UBE2G2: variants seen among roughly 807,000 people sequenced by gnomAD.
UBE2G2 encodes ubiquitin conjugating enzyme E2 G2.
Under a neutral mutation model 23.0 loss-of-function variants are expected in UBE2G2, and 10 were observed. That is an observed-to-expected ratio of 0.43 (90% CI 0.27 to 0.74). UBE2G2 has a LOEUF of 0.74. Among genes scored for constraint, UBE2G2 ranks in the 30% least tolerant of loss-of-function variants. The pLI is 0.19. For missense variants in UBE2G2, 150 were observed against 218.3 expected (o/e 0.69, Z 1.97); for synonymous variants, 86 against 81.3 (o/e 1.06, Z -0.31).
intron 1 of UBE2G2, among the ~76,000 whole-genome samples, chr21:44,799,231 A>T (rs2083116653): frequency 6.6e-6 from 1 of 152,222 alleles, no homozygotes; most frequent in Non-Finnish European, 1.5e-5. Context: ...CTGAATGATA[A>T]ATGAGAACTG....
intron 3 of UBE2G2, 147 bp downstream of exon 3, chr21:44,787,773 C>G (rs1240683136): frequency 1.2e-6 from 1 of 816,556 alleles, no homozygotes; most frequent in Admixed American, 3.1e-5. Context: ...GCTTTCAGAC[C>G]AGCAGCCTAG....
intron 1 of UBE2G2, among the ~76,000 whole-genome samples, chr21:44,796,425 T>C (rs1414901965): frequency 6.6e-6 from 1 of 152,186 alleles, no homozygotes; most frequent in Admixed American, 6.5e-5. Flanking sequence ...ACCCCTTCTA[T>C]GTAGAGATTG....
chr21:44,790,601 G>C (rs782389636), intron 1 of UBE2G2, among the ~76,000 whole-genome samples: 1 of 152,152 alleles, frequency 6.6e-6, no homozygotes, highest in Non-Finnish European at 1.5e-5. Flanking sequence ...ATAAGTGTTC[G>C]AAAGTTCCTC....
chr21:44,779,131 CT>C, intron 3 of UBE2G2: 1 of 347,384 alleles, frequency 2.9e-6, no homozygotes, highest in Admixed American at 4.2e-5. Flanking sequence ...GAACGAAGAG[CT>C]TTAGCTTTCA....
rs1432658695 is a variant in UBE2G2, at chr21:44,768,731, CG to C, written c.*2645del. The stretch of plus-strand genomic sequence containing the variant: ...AGCAACTGCAGGAGGGAAGCGCAGT[CG>C]GAACAGCCTGCTGGCTTCTAGTGGT... On this transcript the variant is annotated 3_prime_UTR_variant, in exon 6 of 6. Transcript: ENST00000345496. 5 of 152,230 alleles carry C rather than the reference CG, an allele frequency of 3.3e-5. No individual in the cohort carries two copies. Among genetic ancestry groups the C allele is most frequent in the African/African-American group, 1.2e-4 (5 of 41,458 alleles). 9.4% of individuals were successfully genotyped at this position (152,230 alleles called of 1,614,324 possible).
chr21:44,770,116 AT>A lies in UBE2G2; in HGVS notation c.*1260del, dbSNP rs1169844248. On this transcript the variant is annotated 3_prime_UTR_variant, in exon 6 of 6. Coordinates refer to ENST00000345496, the MANE Select transcript of UBE2G2 (RefSeq NM_003343.6). ...CTCCACAGCCCAGTCAAGTGTGGGGATAAGGCACTCCTCTGTGCTCTGAGCT... is the reference window on the plus strand; with the variant it reads ...CTCCACAGCCCAGTCAAGTGTGGGGAAAGGCACTCCTCTGTGCTCTGAGCT... The A allele has an allele frequency of 6.6e-6, 1 of 152,240 alleles. No individual in the cohort carries two copies. The highest frequency in any genetic ancestry group is 2.4e-5 in the African/African-American group (1 of 41,460). The allele number at this position is 152,240 out of a possible 1,614,324, so 9.4% of individuals were successfully genotyped here. A position where few individuals can be genotyped will look rare whatever the true frequency, so the allele number is the denominator to read the frequency against.
intron 3 of UBE2G2, among the ~76,000 whole-genome samples, chr21:44,780,203 C>T (rs886068573): frequency 1.3e-5 from 2 of 152,222 alleles, no homozygotes; most frequent in Non-Finnish European, 2.9e-5. Flanking sequence ...CGGTTTACTA[C>T]TGGTTTGAAA....
At position 44,771,602 on chromosome 21, in the gene UBE2G2, A is replaced by G. The variant is rs1316217304; in HGVS notation, c.386-113T>C. 8.9e-7 allele frequency: 1 copy of G among 1,125,182 alleles called. No individual in the cohort carries two copies. The highest frequency in any genetic ancestry group is 1.5e-5 in the African/African-American group (1 of 65,204). The allele number at this position is 1,125,182 out of a possible 1,614,324, so 69.7% of individuals were successfully genotyped here. On this transcript the variant is annotated intron_variant, in intron 5 of 5. Coordinates refer to ENST00000345496, the MANE Select transcript of UBE2G2 (RefSeq NM_003343.6). The surrounding 1 kb of genome is among the most constrained non-coding windows in gnomAD (Gnocchi z 4.6). ...CGGGGGCTTTCAAGAGCTGTGTCCC[A>G]GAAACAAAGAACCTGAGAACTGCAT... is the stretch of plus-strand genomic sequence containing the variant.
At chr21:44,799,190 T>G (rs1466903779) in intron 1 of UBE2G2, among the ~76,000 whole-genome samples, 1 of 152,184 alleles carries the variant, frequency 6.6e-6, no homozygotes, top group Non-Finnish European at 1.5e-5. Flanking sequence ...CAGAGTAGAT[T>G]TAGCATAATT....
intron 4 of UBE2G2, chr21:44,774,738 C>G: frequency 2.2e-6 from 1 of 455,956 alleles, no homozygotes; most frequent in South Asian, 1.6e-5. Context: ...ATCAGGCTGT[C>G]CACCTAAGAT....
intron 1 of UBE2G2, among the ~76,000 whole-genome samples, chr21:44,797,407 A>C (rs1291771778): frequency 6.6e-6 from 1 of 152,214 alleles, no homozygotes. Context: ...CAGGGGTTTA[A>C]TGATTTTCTT....
chr21:44,796,209 T>C (rs1351975576), intron 1 of UBE2G2, among the ~76,000 whole-genome samples: 6 of 152,234 alleles, frequency 3.9e-5, no homozygotes, highest in Non-Finnish European at 7.3e-5. Context: ...TTTACAACAA[T>C]TGAGTTCTTT....
At chr21:44,789,590 G>C (rs1555962676) in intron 1 of UBE2G2, among the ~76,000 whole-genome samples, 3 of 151,904 alleles carry the variant, frequency 2.0e-5, no homozygotes, top group East Asian at 1.9e-4. Context: ...CAGAGGCAAA[G>C]GGCAGTCTTT....
intron 1 of UBE2G2, among the ~76,000 whole-genome samples, chr21:44,796,514 CACACAAAAAAAACCAGTAAATGAT>C (rs1250538949): frequency 6.6e-6 from 1 of 151,992 alleles, no homozygotes; most frequent in Non-Finnish European, 1.5e-5. Flanking sequence ...TTAAGATACA[CACACAAAAAAAACCAGTAAATGAT>C]ACACAAAAAA....
At chr21:44,788,909 G>T (rs548131600) in intron 1 of UBE2G2, among the ~76,000 whole-genome samples, 1 of 151,794 alleles carries the variant, frequency 6.6e-6, no homozygotes, top group East Asian at 1.9e-4. Context: ...GACTGAAAAA[G>T]AAATAAAACT....
rs1316689621 is a variant in UBE2G2, at chr21:44,795,834, T to C, written c.43+5872A>G. ...TATTTACACAGGAGAAATAAAAGCA[T>C]ATATCCACAGAAAGACATGTACATT... is the stretch of plus-strand genomic sequence containing the variant. On this transcript the variant is annotated intron_variant, in intron 1 of 5. Coordinates refer to ENST00000345496, the MANE Select transcript of UBE2G2 (RefSeq NM_003343.6). Among the ~76,000 whole-genome samples the C allele has an allele frequency of 2.6e-5, 4 of 152,198 alleles. No individual in the cohort carries two copies. The South Asian group carries it at 6.2e-4, about 24-fold the overall frequency.
intron 4 of UBE2G2, among the ~76,000 whole-genome samples, chr21:44,775,655 T>C (rs2082907793): frequency 6.6e-6 from 1 of 152,232 alleles, no homozygotes; most frequent in East Asian, 1.9e-4. Context: ...TTATTGGTCA[T>C]ATTTGTCACT....
Position 44,788,578 on chromosome 21 carries a change from C to T in UBE2G2, c.44-483G>A, listed in dbSNP as rs1415345488. Among the ~76,000 whole-genome samples the T allele has an allele frequency of 8.5e-5, 13 of 152,140 alleles. No individual in the cohort carries two copies. The East Asian group carries it at 1.5e-3, about 18-fold the overall frequency. ...TGCTGGGATTACAGGCATGAGCCAC[C>T]GCGCCGGCCCAAATAGTTCTTTATA... On this transcript the variant is annotated intron_variant, in intron 1 of 5. Coordinates refer to ENST00000345496, the MANE Select transcript of UBE2G2 (RefSeq NM_003343.6).
intron 1 of UBE2G2, among the ~76,000 whole-genome samples, chr21:44,791,779 G>C (rs1301982358): frequency 1.3e-5 from 2 of 152,188 alleles, no homozygotes; most frequent in Non-Finnish European, 2.9e-5. Context: ...CAGAACGGTA[G>C]ATCCACCAAG....
Sources: allele counts gnomAD v4.1 joint callset (sites outside exome capture counted in the v4.1 genomes callset), GRCh38; gene constraint gnomAD v4.1.1; non-coding constraint Gnocchi (gnomAD v3.1); transcripts MANE v1.5; gene names NCBI Gene and HGNC (gene_info 2026-07-23, HGNC 2026-07-21).